The following GRAMD1B variants were observed in gnomAD, a reference collection of about 807,000 sequenced individuals.
GRAMD1B encodes GRAM domain containing 1B.
GRAMD1B carries 37 observed loss-of-function variants against 99.7 expected under a neutral mutation model. That is an observed-to-expected ratio of 0.37 (90% CI 0.29 to 0.49). The LOEUF is 0.49. Among genes scored for constraint, GRAMD1B ranks in the 20% least tolerant of loss-of-function variants. The probability of loss-of-function intolerance (pLI) is 0.98; values close to 1 mark genes in which losing one functional copy is unlikely to be tolerated. For synonymous variants in GRAMD1B, 427 were observed against 387.6 expected (o/e 1.10, Z -1.19); for missense variants, 888 against 1,009.2 (o/e 0.88, Z 1.63).
intron 2 of GRAMD1B, among the ~76,000 whole-genome samples, chr11:123,571,666 G>C (rs1948113706): frequency 6.6e-6 from 1 of 152,146 alleles, no homozygotes; most frequent in African/African-American, 2.4e-5. Flanking sequence ...GGTCTTAGAA[G>C]ACCTATTATG....
intron 1 of GRAMD1B, among the ~76,000 whole-genome samples, chr11:123,407,924 G>A (rs1421505391): frequency 2.6e-5 from 4 of 152,176 alleles, no homozygotes; most frequent in African/African-American, 9.7e-5. Context: ...GCCCACTAAG[G>A]GAACTCCACA....
intron 1 of GRAMD1B, among the ~76,000 whole-genome samples, chr11:123,439,347 C>G (rs1269505515): frequency 6.6e-6 from 1 of 152,186 alleles, no homozygotes; most frequent in Non-Finnish European, 1.5e-5. Context: ...CCAGCCACTC[C>G]CTGCCACCAT....
chr11:123,605,206 G>A (rs776679243), intron 9 of GRAMD1B, 116 bp from the exon 10 acceptor site: 4 of 686,142 alleles, frequency 5.8e-6, no homozygotes, highest in Non-Finnish European at 8.8e-6. Context: ...CATACACAAA[G>A]CAAAGAAGCA....
intron 1 of GRAMD1B, among the ~76,000 whole-genome samples, chr11:123,390,693 A>G (rs1947246780): frequency 6.6e-6 from 1 of 151,644 alleles, no homozygotes; most frequent in South Asian, 2.1e-4. Context: ...GCTCTCCCTC[A>G]CTCCCATTGC....
intron 17 of GRAMD1B, among the ~76,000 whole-genome samples, chr11:123,617,200 T>C (rs1216892407): frequency 2.0e-5 from 3 of 151,572 alleles, no homozygotes; most frequent in Non-Finnish European, 4.4e-5. Flanking sequence ...GTTTGTTTGT[T>C]TGAGACAGGT....
At position 123,544,879 on chromosome 11, in the gene GRAMD1B, G is replaced by A. The variant is rs1369836897; in HGVS notation, c.453-32488G>A. Among the ~76,000 whole-genome samples, 3 of 152,236 alleles carry A rather than the reference G, an allele frequency of 2.0e-5. No individual in the cohort carries two copies. The East Asian group carries it at 5.8e-4, about 29-fold the overall frequency. ...GGACAGCGAGCTCTTTTCTTTCCTG[G>A]TGGCTGACTGCCAGTTCAGATGCCA... On this transcript the variant is annotated intron_variant, in intron 2 of 19. Coordinates refer to ENST00000635736, the MANE Select transcript of GRAMD1B (RefSeq NM_001387025.1).
At chr11:123,594,048 G>T (rs897392091) in intron 4 of GRAMD1B, 34 bp from the exon 5 acceptor site, 1 of 1,432,740 alleles carries the variant, frequency 7.0e-7, no homozygotes, top group African/African-American at 1.4e-5. Flanking sequence ...CAGAACCGGG[G>T]TACATCCTAC....
Position 123,626,728 on chromosome 11 carries a change from T to G in GRAMD1B, c.*4133T>G, listed in dbSNP as rs943872015. On this transcript the variant is annotated 3_prime_UTR_variant, in exon 20 of 20. Transcript: ENST00000635736. ...ATGGGACAATCATCCCATTCACCAC[T>G]TGACATCCTTGACATCCTTGACTTT... The G allele has an allele frequency of 3.3e-5, 5 of 152,290 alleles. No individual in the cohort carries two copies. The East Asian group carries it at 9.6e-4, about 29-fold the overall frequency. The allele number at this position is 152,290 out of a possible 1,614,324, so 9.4% of individuals were successfully genotyped here. A position where few individuals can be genotyped will look rare whatever the true frequency, so the allele number is the denominator to read the frequency against.
At chr11:123,618,139 G>T (rs1044915445) in intron 17 of GRAMD1B, among the ~76,000 whole-genome samples, 6 of 152,142 alleles carry the variant, frequency 3.9e-5, no homozygotes, top group Non-Finnish European at 5.9e-5. Flanking sequence ...TTTAGCACCC[G>T]TGGAAATACT....
rs1261332327 is a variant in GRAMD1B at position 123,431,036 on chromosome 11, A to C, written c.244A>C (p.Ile82Leu). Residue 82 changes from isoleucine to leucine, a missense_variant, in exon 1 of 20, where the codon ATC (isoleucine) becomes CTC (leucine). This residue lies in a region of GRAMD1B where 233 missense variants were observed against 154.6 expected (regional missense o/e 1.51). Coordinates refer to ENST00000635736, the MANE Select transcript of GRAMD1B (RefSeq NM_001387025.1). ...KEFLQLPSIE[I>L]TPSSDEDTPW... ...GTTCCTGCAGCTGCCGTCCATCGAG[A>C]TCACGCCCTCCAGCGACGAGGACAC... The C allele has an allele frequency of 1.4e-6, 1 of 702,780 alleles. No individual in the cohort carries two copies. Among genetic ancestry groups the C allele is most frequent in the African/African-American group, 1.7e-5 (1 of 57,222 alleles). The allele number at this position is 702,780 out of a possible 1,614,324, so 43.5% of individuals were successfully genotyped here. A position where few individuals can be genotyped will look rare whatever the true frequency, so the allele number is the denominator to read the frequency against.
intron 14 of GRAMD1B, among the ~76,000 whole-genome samples, chr11:123,612,554 C>T (rs1044735426): frequency 2.0e-5 from 3 of 152,320 alleles, no homozygotes; most frequent in African/African-American, 4.8e-5. Flanking sequence ...AAATATCCTA[C>T]GGCTCAGTTT....
chr11:123,586,946 C>G (rs1359990810), intron 4 of GRAMD1B, among the ~76,000 whole-genome samples: 1 of 152,226 alleles, frequency 6.6e-6, no homozygotes, highest in East Asian at 1.9e-4. Context: ...TAACGCCCAG[C>G]CCTGGGGATG....
At chr11:123,598,787 C>T in intron 7 of GRAMD1B, 2 of 965,840 alleles carry the variant, frequency 2.1e-6, no homozygotes, top group Non-Finnish European at 3.4e-6. Context: ...AGATCCCATT[C>T]TCCCATTTCT....
rs772468231 is a variant in GRAMD1B at position 123,612,812 on chromosome 11, G to T, written c.1971G>T (p.Thr657=). The T allele has an allele frequency of 1.2e-6, 2 of 1,612,666 alleles. No homozygotes were observed. The highest frequency in any genetic ancestry group is 2.2e-5 in the East Asian group (1 of 44,858). ...AACAGCCCTGGGGGTTAGTGAAAAC[G>T]TTCATCGAGAAGAACTTCTGGAGTG... ...YRKQPWGLVK[T]FIEKNFWSGL... Residue 657 remains threonine, a synonymous_variant, in exon 15 of 20, where the codon ACG becomes ACT. Transcript: ENST00000635736.
intron 2 of GRAMD1B, among the ~76,000 whole-genome samples, chr11:123,503,321 C>T (rs1455947965): frequency 6.6e-6 from 1 of 152,102 alleles, no homozygotes; most frequent in Non-Finnish European, 1.5e-5. Flanking sequence ...TGCGATTGTG[C>T]CTGGAGATGG....
intron 2 of GRAMD1B, among the ~76,000 whole-genome samples, chr11:123,499,945 A>G (rs979928735): frequency 9.2e-5 from 14 of 152,210 alleles, no homozygotes; most frequent in African/African-American, 3.1e-4. Context: ...TTCCCTGTAG[A>G]AATGAAACAG....
At chr11:123,422,088 A>T (rs1044213890) in intron 1 of GRAMD1B, among the ~76,000 whole-genome samples, 1 of 152,188 alleles carries the variant, frequency 6.6e-6, no homozygotes, top group Non-Finnish European at 1.5e-5. Flanking sequence ...AGAGTATTAA[A>T]ATGCCATGTA....
intron 1 of GRAMD1B, among the ~76,000 whole-genome samples, chr11:123,440,555 T>TAATTGTA (rs1295272514): frequency 6.6e-6 from 1 of 152,312 alleles, no homozygotes; most frequent in African/African-American, 2.4e-5. Flanking sequence ...AATAGCTAGT[T>TAATTGTA]AATTGTAAAG....
rs560244234 is a variant in GRAMD1B, at chr11:123,587,598, G to T, written c.684+3266G>T. ...GGGTTTCCTTCCTTGGCCTCCTGGC[G>T]CATTCCTGCGGGCAGTCTTCTCCAT... On this transcript the variant is annotated intron_variant, in intron 4 of 19. Transcript: ENST00000635736. This position sits in a 1 kb window ranked among gnomAD's most constrained non-coding sequence, Gnocchi z 4.2. Among the ~76,000 whole-genome samples, 3 of 152,194 alleles carry T rather than the reference G, an allele frequency of 2.0e-5. No individual in the cohort carries two copies. Among genetic ancestry groups the T allele is most frequent in the African/African-American group, 4.8e-5 (2 of 41,450 alleles).
Sources: gnomAD v4.1 joint callset for allele counts (sites outside exome capture counted in the v4.1 genomes callset) on GRCh38, gnomAD v4.1.1 for gene constraint, gnomAD v4.1.1 regional missense constraint, Gnocchi (gnomAD v3.1) non-coding constraint, MANE v1.5 for transcripts, NCBI Gene and HGNC (gene_info 2026-07-23, HGNC 2026-07-21) for gene names.